Variants in DAB1 observed in about 807,000 individuals in gnomAD.
The protein encoded by DAB1 is DAB adaptor protein 1.
DAB1 carries 15 observed loss-of-function variants against 64.6 expected under a neutral mutation model. The observed-to-expected ratio is 0.23, with a 90% CI of 0.16 to 0.36. The LOEUF (loss-of-function observed/expected upper bound fraction) is 0.36. Among genes scored for constraint, DAB1 ranks in the 10% least tolerant of loss-of-function variants. The probability of loss-of-function intolerance (pLI) is 1.00; values close to 1 mark genes in which losing one functional copy is unlikely to be tolerated. For synonymous variants in DAB1, 235 were observed against 251.9 expected, an observed-to-expected ratio of 0.93 and a Z score of 0.64; for missense variants, 596 against 706.7, an observed-to-expected ratio of 0.84 and a Z score of 1.78.
chr1:57,062,778 G>T, intron 9 of DAB1, 106 bp downstream of exon 9: 1 of 906,404 alleles, frequency 1.1e-6, no homozygotes, highest in South Asian at 1.5e-5. Context: ...AACATGTGGG[G>T]CCATGACACT....
intron 6 of DAB1, among the ~76,000 whole-genome samples, chr1:57,743,241 T>A (rs1390254375): frequency 6.6e-6 from 1 of 152,168 alleles, no homozygotes; most frequent in African/African-American, 2.4e-5. Flanking sequence ...AAAATAGCCT[T>A]AACTGATGAC....
At chr1:57,892,050 G>A (rs566703047) in intron 5 of DAB1, among the ~76,000 whole-genome samples, 4 of 152,088 alleles carry the variant, frequency 2.6e-5, no homozygotes, top group African/African-American at 7.2e-5. Context: ...AATCCTTAGC[G>A]TTTTTCTATG....
intron 3 of DAB1, among the ~76,000 whole-genome samples, chr1:58,386,237 T>C (rs1184954332): frequency 6.6e-6 from 1 of 152,052 alleles, no homozygotes; most frequent in African/African-American, 2.4e-5. Context: ...CTCAAAACAT[T>C]CCCTCAGGAA....
chr1:57,605,359 T>C (rs1437518548), intron 7 of DAB1, among the ~76,000 whole-genome samples: 2 of 152,146 alleles, frequency 1.3e-5, no homozygotes, highest in Non-Finnish European at 2.9e-5. Context: ...AAAATGCAAA[T>C]CATGTTGAGA....
chr1:57,505,390 C>T (rs2101329820), intron 7 of DAB1, among the ~76,000 whole-genome samples: 1 of 152,254 alleles, frequency 6.6e-6, no homozygotes, highest in East Asian at 1.9e-4. Flanking sequence ...TAATAAAGCT[C>T]AGAACCAGGA....
At chr1:58,249,294 C>G (rs550819962) in intron 4 of DAB1, among the ~76,000 whole-genome samples, 1 of 152,064 alleles carries the variant, frequency 6.6e-6, no homozygotes, top group Admixed American at 6.5e-5. Flanking sequence ...TCAGCCCTAT[C>G]TTTTCGGAAC....
At position 58,297,773 on chromosome 1, in the gene DAB1, G is replaced by T. The variant is rs1291414158; in HGVS notation, n.309+45579C>A. On this transcript the variant is annotated intron_variant and non_coding_transcript_variant, in intron 4 of 20. Coordinates refer to the DAB1 transcript ENST00000485760. ...GTAAGATCTGAACTGAGTCTTGAAG[G>T]ATGGTTATAAATTCATGAGAAAGAC... 2.0e-5 allele frequency among the ~76,000 whole-genome samples: 3 copies of T among 152,218 alleles called. No individual in the cohort carries two copies. In the East Asian group the frequency reaches 5.8e-4, roughly 29 times the overall value.
At chr1:57,353,938 A>G (rs563468513) in intron 1 of DAB1, among the ~76,000 whole-genome samples, 1 of 152,268 alleles carries the variant, frequency 6.6e-6, no homozygotes, top group Non-Finnish European at 1.5e-5. Flanking sequence ...TTTCACTTAA[A>G]AATTCTCTAG....
At chr1:57,457,664 A>T (rs1686647161) in intron 7 of DAB1, among the ~76,000 whole-genome samples, 1 of 152,150 alleles carries the variant, frequency 6.6e-6, no homozygotes, top group African/African-American at 2.4e-5. Flanking sequence ...GAAAGTCTGC[A>T]TTGGAAGTGG....
At chr1:58,428,036 G>T (rs544628947) in intron 3 of DAB1, among the ~76,000 whole-genome samples, 115 of 152,320 alleles carry the variant, frequency 7.5e-4, no homozygotes, top group Admixed American at 2.5e-3. Flanking sequence ...AAACTGGGAA[G>T]TAAGACAAAA....
intron 4 of DAB1, among the ~76,000 whole-genome samples, chr1:58,337,004 C>A (rs953369333): frequency 1.3e-5 from 2 of 152,036 alleles, no homozygotes; most frequent in Non-Finnish European, 2.9e-5. Flanking sequence ...AAGCAAAGGC[C>A]GGGTGCGGTG....
chr1:57,767,655 C>CT (rs1274030394), intron 6 of DAB1, among the ~76,000 whole-genome samples: 1 of 152,020 alleles, frequency 6.6e-6, no homozygotes, highest in Non-Finnish European at 1.5e-5. Context: ...ATTATAGTGG[C>CT]TACTCAATAA....
At chr1:57,276,156 G>A (rs961629887) in intron 2 of DAB1, among the ~76,000 whole-genome samples, 1 of 152,242 alleles carries the variant, frequency 6.6e-6, no homozygotes, top group Non-Finnish European at 1.5e-5. Flanking sequence ...GCACGCTTGT[G>A]TGCACACAGT....
chr1:58,453,709 C>G (rs948218070), intron 3 of DAB1, among the ~76,000 whole-genome samples: 1 of 152,202 alleles, frequency 6.6e-6, no homozygotes, highest in African/African-American at 2.4e-5. Flanking sequence ...CTGCAGCTAC[C>G]TCGGGTTCTG....
At chr1:58,070,844 T>G (rs969264264) in intron 5 of DAB1, among the ~76,000 whole-genome samples, 7 of 152,198 alleles carry the variant, frequency 4.6e-5, no homozygotes, top group African/African-American at 1.4e-4. Context: ...ATGGAGCTGC[T>G]GCAAGCTGGT....
chr1:58,100,032 T>G (rs1325810160), intron 5 of DAB1, among the ~76,000 whole-genome samples: 1 of 152,248 alleles, frequency 6.6e-6, no homozygotes, highest in African/African-American at 2.4e-5. Context: ...CCCTGACACT[T>G]CTTTCTGTCA....
At chr1:58,261,891 A>G (rs1661056207) in intron 4 of DAB1, among the ~76,000 whole-genome samples, 1 of 152,154 alleles carries the variant, frequency 6.6e-6, no homozygotes, top group African/African-American at 2.4e-5. Context: ...TCCATTCCTC[A>G]GATACCCCCA....
intron 8 of DAB1, among the ~76,000 whole-genome samples, chr1:57,065,746 A>G (rs1429332510): frequency 6.6e-6 from 1 of 152,208 alleles, no homozygotes; most frequent in Non-Finnish European, 1.5e-5. Flanking sequence ...GGTAGTTCCA[A>G]ATCCTGGGTC....
intron 1 of DAB1, among the ~76,000 whole-genome samples, chr1:57,305,765 C>T (rs541155399): frequency 1.1e-4 from 16 of 151,958 alleles, no homozygotes; most frequent in African/African-American, 3.6e-4. Flanking sequence ...GTCAGGAGAT[C>T]GAGACCATCC....
Sources: allele counts gnomAD v4.1 joint callset (sites outside exome capture counted in the v4.1 genomes callset), GRCh38; gene constraint gnomAD v4.1.1; transcripts MANE v1.5; gene names NCBI Gene and HGNC (gene_info 2026-07-23, HGNC 2026-07-21).